The following KIAA0825 variants were observed in gnomAD, a reference collection of about 807,000 sequenced individuals.
The protein encoded by KIAA0825 is KIAA0825.
Under a neutral mutation model 147.6 loss-of-function variants are expected in KIAA0825, and 119 were observed. The observed-to-expected ratio is 0.81, with a 90% CI of 0.69 to 0.94. The LOEUF is 0.94. KIAA0825 is among the 40% of genes least tolerant of loss of function. The pLI is 0.00. For missense variants in KIAA0825, 1,381 were observed against 1,472.7 expected (o/e 0.94, Z 1.02); for synonymous variants, 470 against 518.1 (o/e 0.91, Z 1.26).
At chr5:94,309,761 G>A (rs1279510608) in intron 20 of KIAA0825, among the ~76,000 whole-genome samples, 3 of 151,610 alleles carry the variant, frequency 2.0e-5, no homozygotes, top group South Asian at 2.1e-4. Flanking sequence ...ATGGTTCATC[G>A]GTTCCCTCCA....
chr5:94,495,221 A>C (rs1356936339), intron 5 of KIAA0825, among the ~76,000 whole-genome samples: 1 of 152,230 alleles, frequency 6.6e-6, no homozygotes, highest in Non-Finnish European at 1.5e-5. Flanking sequence ...CTAAAAGAGT[A>C]GGGCAGGCCT....
At chr5:94,416,610 G>A (rs1562476334) in intron 15 of KIAA0825, 1 of 152,216 alleles carries the variant, frequency 6.6e-6, no homozygotes, top group Non-Finnish European at 1.5e-5. Context: ...CTGCCAGAGG[G>A]TGGGGCAACC....
intron 9 of KIAA0825, among the ~76,000 whole-genome samples, chr5:94,470,575 T>C (rs1464506777): frequency 1.2e-4 from 19 of 152,200 alleles, no homozygotes; most frequent in Admixed American, 1.3e-4. Flanking sequence ...TCATAAACTG[T>C]TTTTTAAAAT....
intron 16 of KIAA0825, among the ~76,000 whole-genome samples, chr5:94,400,914 ATT>A (rs1355480597): frequency 3.3e-5 from 5 of 152,058 alleles, no homozygotes; most frequent in Admixed American, 6.6e-5. Context: ...ATGTTCTGTC[ATT>A]TTTACTGTGT....
chr5:94,347,559 C>T (rs565296461), intron 20 of KIAA0825, among the ~76,000 whole-genome samples: 1 of 152,158 alleles, frequency 6.6e-6, no homozygotes, highest in Non-Finnish European at 1.5e-5. Context: ...ACAACAATCA[C>T]TGCAGTTTGG....
intron 20 of KIAA0825, among the ~76,000 whole-genome samples, chr5:94,342,840 A>AT (rs1562396235): frequency 6.6e-6 from 1 of 152,080 alleles, no homozygotes; most frequent in Non-Finnish European, 1.5e-5. Flanking sequence ...GCATTAAGAT[A>AT]TTTTTTCAAT....
At chr5:94,181,935 A>C (rs1583771591) in intron 20 of KIAA0825, among the ~76,000 whole-genome samples, 1 of 152,186 alleles carries the variant, frequency 6.6e-6, no homozygotes, top group Non-Finnish European at 1.5e-5. Context: ...CACCAGCTGC[A>C]GGAAACTGCC....
intron 20 of KIAA0825, among the ~76,000 whole-genome samples, chr5:94,169,039 G>A (rs1768339044): frequency 6.6e-6 from 1 of 152,124 alleles, no homozygotes; most frequent in Non-Finnish European, 1.5e-5. Context: ...AATTGAGGGT[G>A]ATTTTACTAG....
At chr5:94,188,152 C>T (rs1770322859) in intron 20 of KIAA0825, among the ~76,000 whole-genome samples, 2 of 152,168 alleles carry the variant, frequency 1.3e-5, no homozygotes, top group African/African-American at 4.8e-5. Flanking sequence ...GCACCCTGAT[C>T]GTGACTCCCA....
intron 20 of KIAA0825, among the ~76,000 whole-genome samples, chr5:94,381,817 T>G (rs1748451358): frequency 6.6e-6 from 1 of 152,132 alleles, no homozygotes; most frequent in African/African-American, 2.4e-5. Flanking sequence ...CCATCATATT[T>G]AGGGGGTGAG....
chr5:94,446,757 C>T (rs1757780352), intron 13 of KIAA0825, among the ~76,000 whole-genome samples: 2 of 151,990 alleles, frequency 1.3e-5, no homozygotes, highest in African/African-American at 4.8e-5. Context: ...CATAAGTATG[C>T]CATGATAAAA....
At chr5:94,262,155 C>G (rs1003067068) in intron 20 of KIAA0825, among the ~76,000 whole-genome samples, 5 of 151,752 alleles carry the variant, frequency 3.3e-5, no homozygotes, top group Non-Finnish European at 7.4e-5. Context: ...AATTAAGCAG[C>G]CAATTTACAT....
chr5:94,487,534 C>T (rs1349352717), intron 5 of KIAA0825, among the ~76,000 whole-genome samples: 2 of 152,174 alleles, frequency 1.3e-5, no homozygotes, highest in East Asian at 3.9e-4. Context: ...AATCATCACA[C>T]CTTCACTCAT....
intron 20 of KIAA0825, among the ~76,000 whole-genome samples, chr5:94,333,569 C>A (rs1781495538): frequency 6.6e-6 from 1 of 152,142 alleles, no homozygotes; most frequent in Non-Finnish European, 1.5e-5. Context: ...GGCCTCTGTT[C>A]TGTTCCATTT....
chr5:94,319,364 G>T (rs1027962080), intron 20 of KIAA0825, among the ~76,000 whole-genome samples: 1 of 151,768 alleles, frequency 6.6e-6, no homozygotes, highest in Non-Finnish European at 1.5e-5. Context: ...GTCCATCATG[G>T]CTTATAAATA....
rs377362122 is a variant in KIAA0825 at position 94,406,205 on chromosome 5, G to A, written c.2663-2412C>T. On this transcript the variant is annotated intron_variant, in intron 15 of 20. Transcript: ENST00000682413. Reference sequence around the variant, plus strand: ...CTCCCAAAGTGCTGGGATTACAGGCGTGAGCCACTGAGCCTGGCCTACCGC... The same window carrying A: ...CTCCCAAAGTGCTGGGATTACAGGCATGAGCCACTGAGCCTGGCCTACCGC... 1.4e-4 allele frequency among the ~76,000 whole-genome samples: 22 copies of A among 152,230 alleles called. No homozygotes were observed. The South Asian group carries it at 4.6e-3, about 32-fold the overall frequency.
intron 14 of KIAA0825, among the ~76,000 whole-genome samples, chr5:94,435,749 T>C (rs1756280371): frequency 6.6e-6 from 1 of 152,074 alleles, no homozygotes; most frequent in Non-Finnish European, 1.5e-5. Flanking sequence ...ACAGGGAAAA[T>C]TGCTCCTTTT....
intron 20 of KIAA0825, among the ~76,000 whole-genome samples, chr5:94,174,710 C>A (rs1430972596): frequency 1.3e-5 from 2 of 152,090 alleles, no homozygotes; most frequent in African/African-American, 2.4e-5. Flanking sequence ...AAAACTCTGT[C>A]CTTTGCTAAT....
intron 20 of KIAA0825, among the ~76,000 whole-genome samples, chr5:94,240,369 G>A (rs1421694313): frequency 6.6e-6 from 1 of 152,178 alleles, no homozygotes; most frequent in Non-Finnish European, 1.5e-5. Context: ...TATTATTCTG[G>A]CAGCTTCACA....
Sources: allele counts gnomAD v4.1 joint callset (sites outside exome capture counted in the v4.1 genomes callset), GRCh38; gene constraint gnomAD v4.1.1; transcripts MANE v1.5; gene names NCBI Gene and HGNC (gene_info 2026-07-23, HGNC 2026-07-21).